The following SLC16A12 variants were observed in gnomAD, a reference collection of about 807,000 sequenced individuals.
SLC16A12 encodes the protein monocarboxylate transporter 12.
Under a neutral mutation model 42.4 loss-of-function variants are expected in SLC16A12, and 17 were observed. The observed-to-expected ratio is 0.40, with a 90% CI of 0.27 to 0.60. The LOEUF (loss-of-function observed/expected upper bound fraction) is 0.60. SLC16A12 is among the 20% of genes least tolerant of loss of function. SLC16A12 has a pLI of 0.42. For synonymous variants in SLC16A12, 224 were observed against 229.4 expected, an observed-to-expected ratio of 0.98 and a Z score of 0.21; for missense variants, 544 against 623.0, an observed-to-expected ratio of 0.87 and a Z score of 1.35.
chr10:89,465,517 C>T (rs748080026), intron 2 of SLC16A12, among the ~76,000 whole-genome samples: 2 of 152,170 alleles, frequency 1.3e-5, no homozygotes, highest in Admixed American at 1.3e-4. Context: ...CACTCTGGAG[C>T]TTCAGAATAA....
intron 2 of SLC16A12, among the ~76,000 whole-genome samples, chr10:89,475,410 C>T (rs1842562749): frequency 6.6e-6 from 1 of 152,184 alleles, no homozygotes; most frequent in Admixed American, 6.5e-5. Context: ...CTGGCCCAAG[C>T]ACCCAATTGT....
chr10:89,510,484 G>A (rs1284073294), intron 2 of SLC16A12, among the ~76,000 whole-genome samples: 7 of 152,058 alleles, frequency 4.6e-5, no homozygotes, highest in Non-Finnish European at 1.0e-4. Flanking sequence ...AGCAAGGGAG[G>A]AAGGATTCCC....
At chr10:89,443,582 G>T (rs1267920225) in intron 4 of SLC16A12, among the ~76,000 whole-genome samples, 174 bp downstream of exon 4, 1 of 152,184 alleles carries the variant, frequency 6.6e-6, no homozygotes, top group Non-Finnish European at 1.5e-5. Context: ...GAGCAAGTCT[G>T]GTTGGCTTTG....
At chr10:89,473,615 T>C (rs1006240149) in intron 2 of SLC16A12, among the ~76,000 whole-genome samples, 3 of 152,160 alleles carry the variant, frequency 2.0e-5, no homozygotes, top group South Asian at 4.1e-4. Flanking sequence ...AAGTTGTAAT[T>C]TTTTTCGTAT....
chr10:89,445,868 A>C (rs1376228262), intron 3 of SLC16A12, among the ~76,000 whole-genome samples: 1 of 152,210 alleles, frequency 6.6e-6, no homozygotes, highest in African/African-American at 2.4e-5. Context: ...AAAAACGATT[A>C]GAGGAATGGC....
chr10:89,466,034 A>G (rs927398850), intron 2 of SLC16A12, among the ~76,000 whole-genome samples: 13 of 152,210 alleles, frequency 8.5e-5, no homozygotes, highest in Admixed American at 8.5e-4. Context: ...TAATGAGCCA[A>G]TACCCAGATG....
At chr10:89,470,648 C>G (rs910985646) in intron 2 of SLC16A12, among the ~76,000 whole-genome samples, 1 of 152,164 alleles carries the variant, frequency 6.6e-6, no homozygotes, top group Non-Finnish European at 1.5e-5. Context: ...CATAGTTGAC[C>G]CTTAAGAACT....
intron 2 of SLC16A12, among the ~76,000 whole-genome samples, chr10:89,490,068 G>T (rs1005246731): frequency 1.3e-5 from 2 of 152,186 alleles, no homozygotes; most frequent in Non-Finnish European, 2.9e-5. Flanking sequence ...GATAACTATA[G>T]TGACTCAAGG....
chr10:89,447,026 T>A (rs565454729), intron 3 of SLC16A12, among the ~76,000 whole-genome samples: 3 of 152,112 alleles, frequency 2.0e-5, no homozygotes, highest in Non-Finnish European at 4.4e-5. Flanking sequence ...CATTACATAA[T>A]GGTAAAGGGA....
At chr10:89,440,073 CAAAAAAAAAAAAAAA>C in intron 5 of SLC16A12, among the ~76,000 whole-genome samples, 1 of 31,454 alleles carries the variant, frequency 3.2e-5, no homozygotes, top group African/African-American at 1.2e-4. Flanking sequence ...GACCCTGTCT[CAAAAAAAAAAAAAAA>C]AAAAAAAAAA....
chr10:89,440,113 T>C (rs1841882394), intron 5 of SLC16A12, among the ~76,000 whole-genome samples: 1 of 147,642 alleles, frequency 6.8e-6, no homozygotes, highest in Non-Finnish European at 1.5e-5. Flanking sequence ...TCAATTTCTA[T>C]TACTTTTTAA....
intron 2 of SLC16A12, among the ~76,000 whole-genome samples, chr10:89,532,527 C>T (rs1843571745): frequency 6.6e-6 from 1 of 152,292 alleles, no homozygotes; most frequent in Non-Finnish European, 1.5e-5. Context: ...TATATCATTT[C>T]AATGGGTGAC....
At chr10:89,493,654 G>C (rs779103071) in intron 2 of SLC16A12, among the ~76,000 whole-genome samples, 6 of 152,172 alleles carry the variant, frequency 3.9e-5, no homozygotes, top group Non-Finnish European at 5.9e-5. Flanking sequence ...TGTAAGCTAA[G>C]AGAGCTGTCA....
At chr10:89,547,396 A>G (rs1259441288) in intron 2 of SLC16A12, among the ~76,000 whole-genome samples, 1 of 152,224 alleles carries the variant, frequency 6.6e-6, no homozygotes, top group Non-Finnish European at 1.5e-5. Context: ...AAACTGAACT[A>G]CAGTGCATGG....
chr10:89,539,866 T>C (rs553255946), upstream of SLC16A12, among the ~76,000 whole-genome samples: 1 of 131,966 alleles, frequency 7.6e-6, no homozygotes, highest in South Asian at 2.4e-4. Flanking sequence ...TTTTTCTTTC[T>C]TTCTTTCTTT....
rs1564600499 is a variant in SLC16A12, at chr10:89,527,836, G to GA, written c.-47+6664dup. Reference sequence around the variant, plus strand: ...AAAAGAGAGAGAGAGAGAGAGAAAAGAAAAAAAGAGGTGAATTCTAAGTAG... The same window carrying GA: ...AAAAGAGAGAGAGAGAGAGAGAAAAGAAAAAAAAGAGGTGAATTCTAAGTAG... On this transcript the variant is annotated intron_variant, in intron 2 of 7. Transcript: ENST00000371790. 2.7e-5 allele frequency among the ~76,000 whole-genome samples: 4 copies of GA among 145,474 alleles called. No homozygotes were observed. In the Middle Eastern group the frequency reaches 0.011, roughly 416 times the overall value.
intron 2 of SLC16A12, among the ~76,000 whole-genome samples, chr10:89,532,101 C>A (rs571053876): frequency 2.6e-5 from 4 of 152,150 alleles, no homozygotes; most frequent in African/African-American, 9.7e-5. Flanking sequence ...AATCCTTATA[C>A]AAATCTTTTA....
chr10:89,542,653 C>T (rs372495283), intron 2 of SLC16A12, among the ~76,000 whole-genome samples: 23 of 152,234 alleles, frequency 1.5e-4, no homozygotes, highest in Middle Eastern at 3.4e-3. Context: ...TCACTGATCT[C>T]CAGACTCATC....
At chr10:89,528,260 A>C (rs1319129550) in intron 2 of SLC16A12, among the ~76,000 whole-genome samples, 1 of 152,214 alleles carries the variant, frequency 6.6e-6, no homozygotes, top group Non-Finnish European at 1.5e-5. Flanking sequence ...TTTTCAGAGA[A>C]AGTTTGAGTA....
Sources: gnomAD v4.1 joint callset for allele counts (sites outside exome capture counted in the v4.1 genomes callset) on GRCh38, gnomAD v4.1.1 for gene constraint, MANE v1.5 for transcripts, NCBI Gene and HGNC (gene_info 2026-07-23, HGNC 2026-07-21) for gene names.